PKIB: variants seen among roughly 807,000 people sequenced by gnomAD.
PKIB encodes cAMP-dependent protein kinase inhibitor beta.
A neutral mutation model predicts 4.5 loss-of-function variants in PKIB; 2 were observed. The observed-to-expected ratio is 0.44, with a 90% CI of 0.18 to 1.39. PKIB has a LOEUF of 1.39. PKIB is among the 40% of genes most tolerant of loss of function. PKIB has a pLI of 0.27. For synonymous variants in PKIB, 38 were observed against 36.0 expected (o/e 1.06, Z -0.20); for missense variants, 94 against 92.6 (o/e 1.02, Z -0.06).
chr6:122,609,744 G>A (rs1257951972), upstream of PKIB, among the ~76,000 whole-genome samples: 1 of 152,210 alleles, frequency 6.6e-6, no homozygotes, highest in African/African-American at 2.4e-5. Flanking sequence ...AAAAAGCACA[G>A]TGAGACCTTA....
chr6:122,577,510 T>TG (rs1307472438), intron 2 of PKIB, among the ~76,000 whole-genome samples: 1 of 152,096 alleles, frequency 6.6e-6, no homozygotes, highest in Non-Finnish European at 1.5e-5. Flanking sequence ...AAATTAATCT[T>TG]GAAAAAACTA....
chr6:122,534,525 G>A (rs2114623436), intron 2 of PKIB, among the ~76,000 whole-genome samples: 1 of 152,238 alleles, frequency 6.6e-6, no homozygotes, highest in South Asian at 2.1e-4. Context: ...TGGCACTGTG[G>A]TAGAAGGGCT....
intron 2 of PKIB, among the ~76,000 whole-genome samples, chr6:122,660,212 C>T (rs1261167727): frequency 6.6e-6 from 1 of 152,206 alleles, no homozygotes; most frequent in Non-Finnish European, 1.5e-5. Context: ...TGCACTTCCA[C>T]TATTGTGGAC....
intron 2 of PKIB, among the ~76,000 whole-genome samples, chr6:122,573,550 A>C (rs982336014): frequency 6.6e-6 from 1 of 151,844 alleles, no homozygotes; most frequent in South Asian, 2.1e-4. Flanking sequence ...AAAAGAAAAA[A>C]AAAAGAAGAA....
At chr6:122,500,935 T>G (rs1036819236) in intron 2 of PKIB, among the ~76,000 whole-genome samples, 1 of 151,968 alleles carries the variant, frequency 6.6e-6, no homozygotes, top group African/African-American at 2.4e-5. Context: ...ACAACCAGAT[T>G]TTGTGAGAAC....
At chr6:122,489,097 A>G (rs1184223939) in intron 2 of PKIB, among the ~76,000 whole-genome samples, 1 of 152,092 alleles carries the variant, frequency 6.6e-6, no homozygotes, top group Admixed American at 6.5e-5. Flanking sequence ...CAATAGCCCC[A>G]ATAGTTTCCT....
At chr6:122,523,069 T>C (rs888020307) in intron 2 of PKIB, among the ~76,000 whole-genome samples, 1 of 152,212 alleles carries the variant, frequency 6.6e-6, no homozygotes, top group Non-Finnish European at 1.5e-5. Flanking sequence ...TGTTCTAATC[T>C]TAAATGAAAA....
intron 3 of PKIB, among the ~76,000 whole-genome samples, chr6:122,703,074 C>T (rs1778896956): frequency 6.6e-6 from 1 of 152,150 alleles, no homozygotes; most frequent in South Asian, 2.1e-4. Context: ...ATTGACTTCT[C>T]TTACGAAACA....
intron 2 of PKIB, among the ~76,000 whole-genome samples, chr6:122,541,633 A>G (rs1340850231): frequency 2.0e-5 from 3 of 151,470 alleles, no homozygotes; most frequent in African/African-American, 7.3e-5. Flanking sequence ...CTTCATTTCA[A>G]CTTTGGTGAA....
chr6:122,539,277 C>T (rs1777511251), intron 2 of PKIB, among the ~76,000 whole-genome samples: 3 of 152,136 alleles, frequency 2.0e-5, no homozygotes. Flanking sequence ...AAAGGGAATG[C>T]TTCCAGTTTT....
intron 2 of PKIB, among the ~76,000 whole-genome samples, chr6:122,634,375 A>T (rs1775828007): frequency 6.6e-6 from 1 of 152,098 alleles, no homozygotes; most frequent in Non-Finnish European, 1.5e-5. Context: ...AATAAATAAT[A>T]AATAAATAAA....
At chr6:122,557,455 G>A (rs1238648308) in intron 2 of PKIB, among the ~76,000 whole-genome samples, 1 of 152,194 alleles carries the variant, frequency 6.6e-6, no homozygotes, top group Non-Finnish European at 1.5e-5. Context: ...GCTGAGAACC[G>A]TATTTCCCAG....
intron 2 of PKIB, among the ~76,000 whole-genome samples, chr6:122,642,772 C>T (rs1776170715): frequency 6.6e-6 from 1 of 152,156 alleles, no homozygotes; most frequent in Admixed American, 6.5e-5. Flanking sequence ...AATTGACTCA[C>T]TAATTAAAAC....
chr6:122,600,241 C>T (rs1415807076), intron 3 of PKIB, among the ~76,000 whole-genome samples: 2 of 152,162 alleles, frequency 1.3e-5, no homozygotes, highest in Non-Finnish European at 2.9e-5. Context: ...CTCCTTTTCA[C>T]ATTTTTCTGC....
At chr6:122,475,088 C>T (rs1775417873) in intron 1 of PKIB, among the ~76,000 whole-genome samples, 1 of 152,124 alleles carries the variant, frequency 6.6e-6, no homozygotes, top group African/African-American at 2.4e-5. Context: ...GGCTGGAGTT[C>T]AGTGGCCTGA....
intron 2 of PKIB, chr6:122,531,297 T>C (rs1331822293): frequency 1.3e-5 from 2 of 152,180 alleles, no homozygotes; most frequent in Non-Finnish European, 2.9e-5. Flanking sequence ...TTGAAAAATA[T>C]GCTATCACTA....
intron 2 of PKIB, among the ~76,000 whole-genome samples, chr6:122,518,013 A>T (rs192735594): frequency 2.0e-5 from 3 of 152,334 alleles, no homozygotes; most frequent in Admixed American, 1.3e-4. Flanking sequence ...TGTTCATGTA[A>T]AATTAAATGA....
At chr6:122,579,644 A>G (rs989367619) in intron 2 of PKIB, among the ~76,000 whole-genome samples, 9 of 152,164 alleles carry the variant, frequency 5.9e-5, no homozygotes, top group Admixed American at 5.2e-4. Flanking sequence ...TTTGAGATGT[A>G]TCAGTTCCTA....
At chr6:122,552,064 CT>C (rs1173813821) in intron 2 of PKIB, among the ~76,000 whole-genome samples, 1 of 151,980 alleles carries the variant, frequency 6.6e-6, no homozygotes, top group Non-Finnish European at 1.5e-5. Context: ...TAAATTTACC[CT>C]TTTTACTTGC....
Sources: allele counts gnomAD v4.1 joint callset (sites outside exome capture counted in the v4.1 genomes callset), GRCh38; gene constraint gnomAD v4.1.1; transcripts MANE v1.5; gene names NCBI Gene and HGNC (gene_info 2026-07-23, HGNC 2026-07-21).